PLA2R1: variants seen among roughly 807,000 people sequenced by gnomAD.
PLA2R1 encodes secretory phospholipase A2 receptor.
PLA2R1 carries 158 observed loss-of-function variants against 195.9 expected under a neutral mutation model. The ratio of observed to expected loss-of-function variants is 0.81; its 90% confidence interval spans 0.71 to 0.92. The LOEUF is 0.92. PLA2R1 is among the 40% of genes least tolerant of loss of function. The pLI is 0.00. For synonymous variants in PLA2R1, 586 were observed against 598.2 expected (o/e 0.98, Z 0.30); for missense variants, 1,626 against 1,764.6 (o/e 0.92, Z 1.41).
chr2:160,049,685 G>C (rs1315735650), intron 1 of PLA2R1, among the ~76,000 whole-genome samples: 1 of 152,064 alleles, frequency 6.6e-6, no homozygotes, highest in East Asian at 1.9e-4. Context: ...AATTAGCTGG[G>C]CGTGGTGGTG....
chr2:160,033,645 T>A (rs1398503816), intron 3 of PLA2R1, among the ~76,000 whole-genome samples: 1 of 152,178 alleles, frequency 6.6e-6, no homozygotes, highest in Non-Finnish European at 1.5e-5. Context: ...GACATATAGT[T>A]TAAGAAAGTT....
rs989781531 is a variant in PLA2R1 at position 159,935,072 on chromosome 2, G to T, written c.*6706C>A. On this transcript the variant is annotated 3_prime_UTR_variant, in exon 30 of 30. Transcript: ENST00000283243. ...TTGGATTTGTCTAATGTTTTTTCAT[G>T]ATTGAGATTATGCATTTTGGGGAGG... The T allele has an allele frequency of 6.6e-6, 1 of 152,142 alleles. No individual in the cohort carries two copies. Among genetic ancestry groups the T allele is most frequent in the African/African-American group, 2.4e-5 (1 of 41,428 alleles). The allele number at this position is 152,142 out of a possible 1,614,324, so 9.4% of individuals were successfully genotyped here. A position where few individuals can be genotyped will look rare whatever the true frequency, so the allele number is the denominator to read the frequency against.
intron 2 of PLA2R1, among the ~76,000 whole-genome samples, chr2:160,044,222 C>T (rs940015854): frequency 6.6e-6 from 1 of 152,052 alleles, no homozygotes; most frequent in Non-Finnish European, 1.5e-5. Context: ...CCCCACCAAC[C>T]ATGCTTGGCA....
rs576072002 is a variant in PLA2R1, at chr2:159,990,642, G to C, written c.1835-3284C>G. On this transcript the variant is annotated intron_variant, in intron 11 of 29. Coordinates refer to ENST00000283243, the MANE Select transcript of PLA2R1 (RefSeq NM_007366.5). Reference sequence around the variant, plus strand: ...TTCTTCTCTCCTCTAACAGAGAAAAGTGAAGCTCTTTGGGTAGGCAAGGCA... The same window carrying C: ...TTCTTCTCTCCTCTAACAGAGAAAACTGAAGCTCTTTGGGTAGGCAAGGCA... 3.6e-3 allele frequency among the ~76,000 whole-genome samples: 541 copies of C among 152,320 alleles called. 4 individuals are homozygous for C. The highest frequency in any genetic ancestry group is 0.014 in the Middle Eastern group (4 of 294).
the PLA2R1 span, among the ~76,000 whole-genome samples, chr2:159,926,185 C>T: frequency 6.6e-6 from 1 of 152,104 alleles, no homozygotes; most frequent in Non-Finnish European, 1.5e-5. Context: ...ACTAAGTATA[C>T]CTTTTAGTAG....
intron 1 of PLA2R1, among the ~76,000 whole-genome samples, chr2:160,047,213 T>C (rs1694923605): frequency 6.6e-6 from 1 of 152,182 alleles, no homozygotes. Context: ...TCCATCTCAG[T>C]GAGCCTCATC....
intron 1 of PLA2R1, among the ~76,000 whole-genome samples, chr2:160,051,726 C>T (rs1417928009): frequency 6.6e-6 from 1 of 152,156 alleles, no homozygotes. Context: ...CTTAATATGA[C>T]CTTTCAAACC....
chr2:160,028,017 GTATAA>G (rs1399833986), intron 6 of PLA2R1, among the ~76,000 whole-genome samples, 196 bp downstream of exon 6: 5 of 152,108 alleles, frequency 3.3e-5, no homozygotes, highest in African/African-American at 1.2e-4. Flanking sequence ...TCAGTTTTTA[GTATAA>G]ACCTAAATGC....
intron 3 of PLA2R1, among the ~76,000 whole-genome samples, chr2:160,034,534 T>C (rs1254242890): frequency 6.6e-6 from 1 of 152,196 alleles, no homozygotes; most frequent in African/African-American, 2.4e-5. Context: ...AGAAGGACAA[T>C]ATACTACTAC....
intron 14 of PLA2R1, among the ~76,000 whole-genome samples, chr2:159,978,542 G>A (rs1411845152): frequency 2.6e-5 from 4 of 152,156 alleles, no homozygotes; most frequent in Non-Finnish European, 1.5e-5. Context: ...CAGATTGTCT[G>A]TTCCTCTCCT....
intron 1 of PLA2R1, among the ~76,000 whole-genome samples, chr2:160,055,955 G>A (rs1312565872): frequency 6.6e-6 from 1 of 152,024 alleles, no homozygotes; most frequent in African/African-American, 2.4e-5. Flanking sequence ...TTCAGAAGGT[G>A]GCAGCTACCC....
intron 24 of PLA2R1, among the ~76,000 whole-genome samples, chr2:159,950,821 C>T (rs1687688642): frequency 6.6e-6 from 1 of 152,134 alleles, no homozygotes; most frequent in Non-Finnish European, 1.5e-5. Flanking sequence ...TTACTTTTCA[C>T]TACTTTGAGT....
In PLA2R1 at chr2:159,954,023, G is replaced by A. The variant is rs149454778; in HGVS notation, c.3301+1176C>T. 7.5e-3 allele frequency among the ~76,000 whole-genome samples: 1,134 copies of A among 152,148 alleles called. 14 individuals carry two copies. The highest frequency in any genetic ancestry group is 0.026 in the African/African-American group (1,077 of 41,498). ...TAATTTTTTGTATTTTAGTAGAGAC[G>A]GGGTTTCACCATGTTGCTCAGGCTG... is the stretch of plus-strand genomic sequence containing the variant. On this transcript the variant is annotated intron_variant, in intron 23 of 29. Coordinates refer to ENST00000283243, the MANE Select transcript of PLA2R1 (RefSeq NM_007366.5).
At chr2:160,056,988 C>T (rs1359817610) in intron 1 of PLA2R1, among the ~76,000 whole-genome samples, 1 of 152,152 alleles carries the variant, frequency 6.6e-6, no homozygotes. Context: ...CATCCACAGC[C>T]CTGGATGAAG....
intron 15 of PLA2R1, 89 bp downstream of exon 15, chr2:159,977,195 G>T: frequency 1.1e-6 from 1 of 911,398 alleles, no homozygotes; most frequent in Non-Finnish European, 1.7e-6. Context: ...GCAATTTGTT[G>T]ATATTGTGGT....
chr2:160,036,013 C>T (rs1567535), intron 3 of PLA2R1, among the ~76,000 whole-genome samples: 23,593 of 152,096 alleles, frequency 0.16, 2,040 homozygotes, highest in East Asian at 0.23. Context: ...CTGGCTGCCC[C>T]CTTTCAGTCT....
intron 6 of PLA2R1, among the ~76,000 whole-genome samples, chr2:160,027,399 C>T (rs1693591192): frequency 6.6e-6 from 1 of 152,072 alleles, no homozygotes; most frequent in South Asian, 2.1e-4. Flanking sequence ...TCAGCAAATT[C>T]CTGAAATAAT....
At chr2:160,015,620 C>A (rs13030193) in intron 9 of PLA2R1, among the ~76,000 whole-genome samples, 4 of 152,296 alleles carry the variant, frequency 2.6e-5, no homozygotes, top group Non-Finnish European at 5.9e-5. Flanking sequence ...CCACCCTCGC[C>A]CCTGCCCCGT....
chr2:159,942,152 G>A lies in PLA2R1; in HGVS notation c.4152C>T (p.His1384=), dbSNP rs766761441. 1.2e-6 allele frequency: 2 copies of A among 1,608,006 alleles called. No homozygotes were observed. Among genetic ancestry groups the A allele is most frequent in the Admixed American group, 3.4e-5 (2 of 59,466 alleles). The change falls in exon 29 of 30, where the codon CAC becomes CAT. Residue 1384 remains histidine (H), a synonymous_variant. Coordinates refer to ENST00000283243, the MANE Select transcript of PLA2R1 (RefSeq NM_007366.5). ...CTTTTTCTGGCAGCGCCTCTGCAGT[G>A]TGAATATCTAAAATCAAATACAAAA... The part of the protein sequence containing the change: ...GFICKMEADI[H]TAEALPEKGP...
Sources: allele counts gnomAD v4.1 joint callset (sites outside exome capture counted in the v4.1 genomes callset), GRCh38; gene constraint gnomAD v4.1.1; transcripts MANE v1.5; gene names NCBI Gene and HGNC (gene_info 2026-07-23, HGNC 2026-07-21).